SASH1: variants seen among roughly 807,000 people sequenced by gnomAD.
SASH1 encodes SAM and SH3 domain-containing protein 1.
In SASH1, 44 loss-of-function variants were observed where a neutral mutation model predicts 125.2. That is an observed-to-expected ratio of 0.35 (90% confidence interval 0.28 to 0.45). The LOEUF (loss-of-function observed/expected upper bound fraction) is 0.45. Ranked by LOEUF, SASH1 falls within the 20% of genes least tolerant of loss-of-function variation. The pLI is 1.00. For synonymous variants in SASH1, 639 were observed against 649.1 expected (o/e 0.98, Z 0.24); for missense variants, 1,426 against 1,614.5 (o/e 0.88, Z 2.00).
intron 1 of SASH1, among the ~76,000 whole-genome samples, chr6:148,371,375 G>A (rs920861165): frequency 2.8e-4 from 43 of 151,220 alleles, no homozygotes; most frequent in African/African-American, 9.7e-4. Context: ...TCCTGCCTCA[G>A]CCTCCTGAGT....
intron 1 of SASH1, among the ~76,000 whole-genome samples, chr6:148,320,342 T>C (rs1019562932): frequency 3.5e-4 from 54 of 152,350 alleles, no homozygotes; most frequent in Middle Eastern, 3.4e-3. Context: ...ATTATTGGTG[T>C]ATGGGCCACC....
chr6:148,197,544 G>T, the SASH1 span, among the ~76,000 whole-genome samples: 2 of 152,180 alleles, frequency 1.3e-5, no homozygotes, highest in African/African-American at 4.8e-5. Flanking sequence ...AATTTCTCTT[G>T]CAGGCCACCC....
chr6:148,259,371 C>T, the SASH1 span, among the ~76,000 whole-genome samples: 1 of 152,190 alleles, frequency 6.6e-6, no homozygotes, highest in African/African-American at 2.4e-5. Flanking sequence ...CTGAACTGCA[C>T]GGCTGAAGAG....
At chr6:148,313,997 T>C (rs1482963854) in intron 1 of SASH1, among the ~76,000 whole-genome samples, 1 of 152,158 alleles carries the variant, frequency 6.6e-6, no homozygotes, top group Non-Finnish European at 1.5e-5. Context: ...CCTGTCCAGA[T>C]TTTCATAAGC....
chr6:148,531,502 T>C, intron 12 of SASH1, 24 bp from the exon 13 acceptor site: 1 of 1,463,486 alleles, frequency 6.8e-7, no homozygotes, highest in Non-Finnish European at 9.1e-7. Flanking sequence ...ATGAACTTCT[T>C]CATTTTGTTG....
intron 2 of SASH1, among the ~76,000 whole-genome samples, chr6:148,420,823 G>A (rs1252368192): frequency 6.6e-6 from 1 of 152,096 alleles, no homozygotes; most frequent in East Asian, 1.9e-4. Context: ...GCTCACACCT[G>A]TAATCCCAGC....
the SASH1 span, among the ~76,000 whole-genome samples, chr6:148,254,646 AT>A: frequency 6.6e-6 from 1 of 152,226 alleles, no homozygotes; most frequent in Non-Finnish European, 1.5e-5. Flanking sequence ...AACCACAGTG[AT>A]TTGCCATGCC....
chr6:148,246,678 A>G, the SASH1 span, among the ~76,000 whole-genome samples: 1 of 152,252 alleles, frequency 6.6e-6, no homozygotes, highest in Non-Finnish European at 1.5e-5. Flanking sequence ...AACCACAGTC[A>G]GGTTCATAAT....
the SASH1 span, among the ~76,000 whole-genome samples, chr6:148,200,891 C>G: frequency 6.6e-6 from 1 of 152,140 alleles, no homozygotes; most frequent in Non-Finnish European, 1.5e-5. Flanking sequence ...AGAAATTATA[C>G]CTCTGTGACT....
intron 1 of SASH1, among the ~76,000 whole-genome samples, chr6:148,295,229 A>G (rs1212649347): frequency 1.3e-5 from 2 of 152,124 alleles, no homozygotes; most frequent in East Asian, 3.9e-4. Flanking sequence ...GCTTTGGGGG[A>G]AAAATAACCC....
intron 1 of SASH1, among the ~76,000 whole-genome samples, chr6:148,332,615 A>G (rs998105534): frequency 1.3e-5 from 2 of 152,152 alleles, no homozygotes; most frequent in African/African-American, 4.8e-5. Context: ...AAAGGATACA[A>G]CCAAATATCT....
chr6:148,360,017 A>G (rs974027658), intron 1 of SASH1, among the ~76,000 whole-genome samples: 5 of 152,094 alleles, frequency 3.3e-5, no homozygotes, highest in African/African-American at 4.8e-5. Flanking sequence ...CTCCGCTCCC[A>G]AAGTGCTGGG....
chr6:148,401,958 A>C (rs957995877), intron 2 of SASH1, among the ~76,000 whole-genome samples: 1 of 151,870 alleles, frequency 6.6e-6, no homozygotes, highest in Admixed American at 6.6e-5. Context: ...TATTCCTTTG[A>C]TCTCTTTCAT....
intron 1 of SASH1, among the ~76,000 whole-genome samples, chr6:148,386,450 T>C (rs1342680804): frequency 2.6e-5 from 4 of 152,336 alleles, no homozygotes; most frequent in South Asian, 4.1e-4. Context: ...GAAACCAGTA[T>C]TCCATGTTGG....
intron 8 of SASH1, among the ~76,000 whole-genome samples, chr6:148,490,812 G>C (rs1779077165): frequency 6.6e-6 from 1 of 152,074 alleles, no homozygotes; most frequent in Non-Finnish European, 1.5e-5. Flanking sequence ...ATGTGATCTG[G>C]CTTTAATCAA....
At chr6:148,446,074 A>G (rs747288694) in intron 4 of SASH1, among the ~76,000 whole-genome samples, 7 of 139,190 alleles carry the variant, frequency 5.0e-5, no homozygotes, top group Non-Finnish European at 9.5e-5. Flanking sequence ...TGCTATCCTG[A>G]ACAACATAGG....
At chr6:148,228,065 C>T in the SASH1 span, among the ~76,000 whole-genome samples, 1 of 152,194 alleles carries the variant, frequency 6.6e-6, no homozygotes, top group Non-Finnish European at 1.5e-5. Flanking sequence ...GGTTTGAAAA[C>T]TGTAAGAGGA....
rs148125308 is a variant in SASH1, at chr6:148,440,221, G to A, written c.323G>A (p.Arg108Gln). The change falls in exon 3 of 20, where the codon CGG becomes CAG. Residue 108 changes from arginine (R) to glutamine (Q), a missense_variant. Around this residue, in one of 3 missense-constraint regions of SASH1, gnomAD observed 567 missense variants for 575.6 expected, o/e 0.99. Transcript: ENST00000367467. ...GCTAGCCCCACGTCACTTCAGCTGC[G>A]GTCCCAGATCGAAGTAAGCACAATG... is the stretch of plus-strand genomic sequence containing the variant. Reference protein sequence around the residue: ...PDASPTSLQLRSQIEESLGFC... With the variant: ...PDASPTSLQLQSQIEESLGFC... The A allele has an allele frequency of 3.7e-4, 600 of 1,613,828 alleles. 1 individual carries two copies. Among genetic ancestry groups the A allele is most frequent in the African/African-American group, 1.1e-3 (81 of 74,918 alleles).
At chr6:148,443,378 T>G (rs1207724378) in intron 4 of SASH1, among the ~76,000 whole-genome samples, 1 of 82,288 alleles carries the variant, frequency 1.2e-5, no homozygotes, top group African/African-American at 4.7e-5. Context: ...GGTCATTCAC[T>G]TAAGGTGGTA....
Sources: allele counts gnomAD v4.1 joint callset (sites outside exome capture counted in the v4.1 genomes callset), GRCh38; gene constraint gnomAD v4.1.1; regional missense constraint gnomAD v4.1.1; transcripts MANE v1.5; gene names NCBI Gene and HGNC (gene_info 2026-07-23, HGNC 2026-07-21).